The following MGAT4C variants were observed in gnomAD, a reference collection of about 807,000 sequenced individuals.
MGAT4C encodes the protein MGAT4 family member C, also known as alpha-1,3-mannosyl-glycoprotein 4-beta-N-acetylglucosaminyltransferase C.
A neutral mutation model predicts 40.1 loss-of-function variants in MGAT4C; 19 were observed. The ratio of observed to expected loss-of-function variants is 0.47; its 90% CI spans 0.33 to 0.70. The LOEUF is 0.70. Among genes scored for constraint, MGAT4C ranks in the 30% least tolerant of loss-of-function variants. The pLI is 0.02. For missense variants in MGAT4C, 491 were observed against 563.2 expected (o/e 0.87, Z 1.30); for synonymous variants, 181 against 187.1 (o/e 0.97, Z 0.27).
rs374673279 is a variant in MGAT4C, at chr12:86,438,486, CTAGAG to C, written c.-228-3226_-228-3222del. Among the ~76,000 whole-genome samples the C allele has an allele frequency of 1.5e-3, 223 of 151,892 alleles. 1 individual carries two copies. Among genetic ancestry groups the C allele is most frequent in the African/African-American group, 5.0e-3 (207 of 41,478 alleles). Reference sequence around the variant, plus strand: ...AGCCTAAGACAACTGATGAAAGTGGCTAGAGTAAACAACAAATTTTCGATAATGAA... The same window carrying C: ...AGCCTAAGACAACTGATGAAAGTGGCTAAACAACAAATTTTCGATAATGAA... On this transcript the variant is annotated intron_variant, in intron 2 of 7. Coordinates refer to the MGAT4C transcript ENST00000548651.
intron 1 of MGAT4C, among the ~76,000 whole-genome samples, chr12:86,226,520 T>G (rs1404476811): frequency 6.6e-6 from 1 of 151,918 alleles, no homozygotes; most frequent in African/African-American, 2.4e-5. Flanking sequence ...CCCTCTCTAC[T>G]CTCTGTCTTA....
intron 2 of MGAT4C, among the ~76,000 whole-genome samples, chr12:86,572,820 T>G (rs1293282361): frequency 6.6e-6 from 1 of 151,994 alleles, no homozygotes; most frequent in East Asian, 1.9e-4. Context: ...ACATCAATTA[T>G]CAAATCATCT....
In MGAT4C at chr12:86,025,065, A is replaced by T. The variant is rs1565876297; in HGVS notation, c.-7+24609T>A. On this transcript the variant is annotated intron_variant, in intron 2 of 4. Coordinates refer to ENST00000611864, the MANE Select transcript of MGAT4C (RefSeq NM_001351288.2). ...ACAGATTCCTTAAAGTAAATTATCA[A>T]GTGATTTTTATAAATAAATAACTGA... is the stretch of plus-strand genomic sequence containing the variant. Among the ~76,000 whole-genome samples the T allele has an allele frequency of 2.0e-5, 3 of 151,678 alleles. No individual in the cohort carries two copies. In the South Asian group the frequency reaches 6.2e-4, roughly 31 times the overall value.
rs542111649 is a variant in MGAT4C, at chr12:86,492,333, T to C, written c.-228-57068A>G. On this transcript the variant is annotated intron_variant, in intron 2 of 7. Coordinates refer to the MGAT4C transcript ENST00000548651. ...TATGGAACCAAAAACGAGCCCGCAT[T>C]GCCAAGTCAATCCTAAGCCAAAAGA... 3.4e-3 allele frequency among the ~76,000 whole-genome samples: 521 copies of C among 152,154 alleles called. 2 individuals are homozygous for C. The highest frequency in any genetic ancestry group is 0.012 in the African/African-American group (488 of 41,516).
At chr12:85,982,163 A>G (rs375069219) in intron 4 of MGAT4C, among the ~76,000 whole-genome samples, 98 of 152,046 alleles carry the variant, frequency 6.4e-4, no homozygotes, top group African/African-American at 2.3e-3. Context: ...TTATTCTAAG[A>G]TTCATGGTTT....
At chr12:86,157,462 TCAC>T (rs376664257) in intron 1 of MGAT4C, among the ~76,000 whole-genome samples, 50 of 152,296 alleles carry the variant, frequency 3.3e-4, no homozygotes, top group African/African-American at 9.9e-4. Context: ...ACCCTATTAT[TCAC>T]CACATTTTTA....
intron 3 of MGAT4C, among the ~76,000 whole-genome samples, chr12:86,384,945 C>A (rs895250217): frequency 1.3e-5 from 2 of 152,196 alleles, no homozygotes; most frequent in African/African-American, 4.8e-5. Context: ...TGGTTAATTT[C>A]TACTAATTTC....
chr12:86,202,968 C>T (rs1306903115), intron 1 of MGAT4C, among the ~76,000 whole-genome samples: 1 of 151,516 alleles, frequency 6.6e-6, no homozygotes, highest in Admixed American at 6.6e-5. Context: ...ATCTGGTAAT[C>T]CATTTTTACT....
chr12:86,421,704 G>A (rs1452655431), intron 3 of MGAT4C, among the ~76,000 whole-genome samples: 1 of 152,130 alleles, frequency 6.6e-6, no homozygotes, highest in African/African-American at 2.4e-5. Flanking sequence ...TTAAACCCAG[G>A]AGGCGGAAAT....
intron 2 of MGAT4C, among the ~76,000 whole-genome samples, chr12:86,708,436 T>C (rs1054087623): frequency 1.3e-5 from 2 of 152,208 alleles, no homozygotes; most frequent in Non-Finnish European, 2.9e-5. Flanking sequence ...TGCTGGGCAG[T>C]GCAGAAGGGA....
rs550612535 is a variant in MGAT4C, at chr12:86,086,246, G to A, written c.-56-36523C>T. 4.7e-4 allele frequency among the ~76,000 whole-genome samples: 71 copies of A among 152,050 alleles called. 1 individual carries two copies. The highest frequency in any genetic ancestry group is 9.6e-4 in the Non-Finnish European group (65 of 68,016). ...GAGTTCATGTCTTTTGCAAGGACAT[G>A]GATGAAGCTGGAAACCACCATTCTC... On this transcript the variant is annotated intron_variant, in intron 1 of 4. Coordinates refer to ENST00000611864, the MANE Select transcript of MGAT4C (RefSeq NM_001351288.2).
chr12:86,572,900 C>T (rs573823093), intron 2 of MGAT4C, among the ~76,000 whole-genome samples: 10 of 151,956 alleles, frequency 6.6e-5, no homozygotes, highest in Non-Finnish European at 1.3e-4. Context: ...CTAAGAATAG[C>T]GGACACCTTG....
chr12:86,117,913 T>G (rs1024632053), intron 1 of MGAT4C, among the ~76,000 whole-genome samples: 28 of 152,166 alleles, frequency 1.8e-4, no homozygotes, highest in Non-Finnish European at 3.1e-4. Flanking sequence ...TGGGTCATGA[T>G]GTTCCTAGTG....
intron 2 of MGAT4C, among the ~76,000 whole-genome samples, chr12:86,439,635 C>T (rs747384243): frequency 6.6e-6 from 1 of 151,864 alleles, no homozygotes; most frequent in Admixed American, 6.6e-5. Flanking sequence ...AAGATCAGAG[C>T]AGAACTAAGT....
At chr12:86,704,038 T>C (rs568286202) in intron 2 of MGAT4C, among the ~76,000 whole-genome samples, 2 of 152,212 alleles carry the variant, frequency 1.3e-5, no homozygotes, top group Admixed American at 6.6e-5. Context: ...ATGACTTTTA[T>C]AGCAAATATG....
At chr12:86,193,919 C>T (rs1889798803) in intron 1 of MGAT4C, among the ~76,000 whole-genome samples, 2 of 152,098 alleles carry the variant, frequency 1.3e-5, no homozygotes, top group Admixed American at 6.6e-5. Flanking sequence ...TCACTTAACG[C>T]TTTTGTTTCC....
intron 1 of MGAT4C, among the ~76,000 whole-genome samples, chr12:86,125,096 C>A (rs1880032301): frequency 6.6e-6 from 1 of 152,122 alleles, no homozygotes; most frequent in Non-Finnish European, 1.5e-5. Flanking sequence ...GACTAAACCT[C>A]AATAACTATC....
intron 1 of MGAT4C, among the ~76,000 whole-genome samples, chr12:86,123,858 G>A (rs1319644871): frequency 6.6e-6 from 1 of 151,954 alleles, no homozygotes; most frequent in Non-Finnish European, 1.5e-5. Context: ...ATAGGCTTTA[G>A]TTTCTATTAT....
chr12:86,742,073 T>C (rs1029981560), intron 1 of MGAT4C, among the ~76,000 whole-genome samples: 1 of 151,438 alleles, frequency 6.6e-6, no homozygotes, highest in African/African-American at 2.4e-5. Context: ...AATTTATATA[T>C]TTATTCTTAT....
Sources: allele counts gnomAD v4.1 joint callset (sites outside exome capture counted in the v4.1 genomes callset), GRCh38; gene constraint gnomAD v4.1.1; transcripts MANE v1.5; gene names NCBI Gene and HGNC (gene_info 2026-07-23, HGNC 2026-07-21).